Variants in CPA4 observed in about 807,000 individuals in gnomAD.
CPA4 encodes the protein carboxypeptidase A4.
A neutral mutation model predicts 54.7 loss-of-function variants in CPA4; 49 were observed. The observed-to-expected ratio is 0.90, with a 90% CI of 0.71 to 1.14. CPA4 has a LOEUF of 1.14. Among genes scored for constraint, CPA4 ranks in the 50% most tolerant of loss-of-function variants. The probability of loss-of-function intolerance (pLI) is 0.00; values close to 1 mark genes in which losing one functional copy is unlikely to be tolerated. For synonymous variants in CPA4, 215 were observed against 206.8 expected, an observed-to-expected ratio of 1.04 and a Z score of -0.34; for missense variants, 487 against 525.1, an observed-to-expected ratio of 0.93 and a Z score of 0.71.
Position 130,321,768 on chromosome 7 carries a change from C to T in CPA4, c.1079-721C>T, listed in dbSNP as rs150481290. Among the ~76,000 whole-genome samples the T allele has an allele frequency of 3.6e-4, 55 of 152,264 alleles. No individual in the cohort carries two copies. In the East Asian group the frequency reaches 8.7e-3, roughly 24 times the overall value. On this transcript the variant is annotated intron_variant, in intron 10 of 10. Coordinates refer to ENST00000222482, the MANE Select transcript of CPA4 (RefSeq NM_016352.4). ...ATCTCATGAGACTTATTCACTACCA[C>T]GAGAACAGTATGGGGGAAACCACTC... is the stretch of plus-strand genomic sequence containing the variant.
rs57842029 is a variant in CPA4 at position 130,323,895 on chromosome 7, TTG to T, written c.*1259_*1260del. ...GTATCCTGTGTTTCCTTGTCCTGGT[TTG>T]TGTGTGTGTGTGTGTGTGTGTGTGT... On this transcript the variant is annotated 3_prime_UTR_variant, in exon 11 of 11. Coordinates refer to ENST00000222482, the MANE Select transcript of CPA4 (RefSeq NM_016352.4). 9,377 of 145,074 alleles carry T rather than the reference TTG, an allele frequency of 0.065. 624 individuals are homozygous for T. Among genetic ancestry groups the T allele is most frequent in the African/African-American group, 0.18 (7,095 of 38,938 alleles). 9.0% of individuals were successfully genotyped at this position (145,074 alleles called of 1,614,324 possible).
rs111352449 is a variant in CPA4 at position 130,295,797 on chromosome 7, T to C, written c.68+2549T>C. On this transcript the variant is annotated intron_variant, in intron 1 of 10. Coordinates refer to ENST00000222482, the MANE Select transcript of CPA4 (RefSeq NM_016352.4). ...GAGTTCGAGACCAGCCTGACCAACATAGAGAAACCCCGCCTCTACTAAAAA... is the reference window on the plus strand; with the variant it reads ...GAGTTCGAGACCAGCCTGACCAACACAGAGAAACCCCGCCTCTACTAAAAA... Among the ~76,000 whole-genome samples, 223 of 152,022 alleles carry C rather than the reference T, an allele frequency of 1.5e-3. 1 individual carries two copies. Among genetic ancestry groups the C allele is most frequent in the African/African-American group, 5.2e-3 (214 of 41,470 alleles).
At chr7:130,301,060 T>C (rs1793732404) in intron 4 of CPA4, 146 bp downstream of exon 4, 1 of 618,412 alleles carries the variant, frequency 1.6e-6, no homozygotes, top group South Asian at 2.1e-5. Context: ...TCCTTTCTAA[T>C]TCTTGGATTG....
rs548559556 is a variant in CPA4, at chr7:130,310,063, G to A, written c.794-724G>A. ...ATTATAGACATGAGGCACTGTGCCC[G>A]GCCCCGATGGTTTGTTTTTAATGTG... On this transcript the variant is annotated intron_variant, in intron 8 of 10. Transcript: ENST00000222482. This position sits in a 1 kb window ranked among gnomAD's most constrained non-coding sequence, Gnocchi z 4.3. Among the ~76,000 whole-genome samples the A allele has an allele frequency of 3.3e-5, 5 of 152,262 alleles. No individual in the cohort carries two copies. The highest frequency in any genetic ancestry group is 2.1e-4 in the South Asian group (1 of 4,818).
At chr7:130,313,507 G>A (rs1793943650) in intron 10 of CPA4, among the ~76,000 whole-genome samples, 1 of 152,204 alleles carries the variant, frequency 6.6e-6, no homozygotes, top group African/African-American at 2.4e-5. Flanking sequence ...TGCAGCTGAG[G>A]AGTCTAGTTG....
chr7:130,322,710 C>T lies in CPA4; in HGVS notation c.*34C>T, dbSNP rs781290964. 2.0e-5 allele frequency: 31 copies of T among 1,588,546 alleles called. No homozygotes were observed. The highest frequency in any genetic ancestry group is 2.0e-4 in the Middle Eastern group (1 of 5,050). Reference sequence around the variant, plus strand: ...TCTGCTCTGTCTACATTTATTTGTACCCACACGTGCACGCACTGAGGCCAT... The same window carrying T: ...TCTGCTCTGTCTACATTTATTTGTATCCACACGTGCACGCACTGAGGCCAT... On this transcript the variant is annotated 3_prime_UTR_variant, in exon 11 of 11. Coordinates refer to ENST00000222482, the MANE Select transcript of CPA4 (RefSeq NM_016352.4).
intron 8 of CPA4, 56 bp downstream of exon 8, chr7:130,308,453 A>G (rs572400281): frequency 5.6e-6 from 8 of 1,425,520 alleles, no homozygotes; most frequent in Non-Finnish European, 7.9e-6. Flanking sequence ...CGCCTGGTCT[A>G]CCAGTGCTCT....
Position 130,306,852 on chromosome 7 carries a change from G to A in CPA4, c.657G>A (p.Leu219=), listed in dbSNP as rs201038166. 778 of 1,612,036 alleles carry A rather than the reference G, an allele frequency of 4.8e-4. 12 individuals are homozygous for A. In the South Asian group the frequency reaches 6.2e-3, roughly 13 times the overall value. The part of the protein sequence containing the change: ...TSILEKMDIF[L]LPVANPDGYV... ...TCTTGGAGAAAATGGATATTTTCTT[G>A]TTGCCTGTGGCCAATCCTGATGGAT... The change falls in exon 7 of 11, where the codon TTG becomes TTA. Residue 219 remains leucine (L), a synonymous_variant. Coordinates refer to ENST00000222482, the MANE Select transcript of CPA4 (RefSeq NM_016352.4).
Position 130,305,871 on chromosome 7 carries a change from A to G in CPA4, c.542A>G (p.His181Arg). 1 of 1,614,194 alleles carries G rather than the reference A, an allele frequency of 6.2e-7. No individual in the cohort carries two copies. The highest frequency in any genetic ancestry group is 8.5e-7 in the Non-Finnish European group (1 of 1,180,034). The change falls in exon 6 of 11, where the codon CAT (histidine) becomes CGT (arginine). Residue 181 changes from histidine to arginine, a missense_variant. Coordinates refer to ENST00000222482, the MANE Select transcript of CPA4 (RefSeq NM_016352.4). Reference sequence around the variant, plus strand: ...GCCGTTTGGCTGAATGCAGGCATCCATTCCCGAGAGTGGATCTCCCAGGCC... The same window carrying G: ...GCCGTTTGGCTGAATGCAGGCATCCGTTCCCGAGAGTGGATCTCCCAGGCC... Reference protein sequence around the residue: ...RPAVWLNAGIHSREWISQATA... With the variant: ...RPAVWLNAGIRSREWISQATA...
In CPA4 at chr7:130,293,161, A is replaced by T. The variant is rs375388548; in HGVS notation, c.-20A>T. On this transcript the variant is annotated 5_prime_UTR_variant, in exon 1 of 11. It removes an upstream start codon present in the reference 5' UTR. Transcript: ENST00000222482. Reference sequence around the variant, plus strand: ...AAATACAGCTTGACTCAGCCACTGTATGACTGACTCCCCGGGGACATGAGG... The same window carrying T: ...AAATACAGCTTGACTCAGCCACTGTTTGACTGACTCCCCGGGGACATGAGG... 15 of 1,519,816 alleles carry T rather than the reference A, an allele frequency of 9.9e-6. No homozygotes were observed. The African/African-American group carries it at 1.9e-4, about 19-fold the overall frequency. 94.1% of individuals were successfully genotyped at this position (1,519,816 alleles called of 1,614,324 possible).
At chr7:130,321,022 A>T (rs10280724) in intron 10 of CPA4, among the ~76,000 whole-genome samples, 91,283 of 151,790 alleles carry the variant, frequency 0.6, 27,494 homozygotes, top group Admixed American at 0.66. Context: ...GCATAGTAAG[A>T]CCCCATCTCT....
At chr7:130,317,198 G>A (rs188426153) in intron 10 of CPA4, among the ~76,000 whole-genome samples, 7 of 152,282 alleles carry the variant, frequency 4.6e-5, no homozygotes, top group Admixed American at 2.6e-4. Context: ...TGTACCTTTC[G>A]TATGTTTAGA....
At chr7:130,318,558 T>C (rs1794027341) in intron 10 of CPA4, among the ~76,000 whole-genome samples, 1 of 152,118 alleles carries the variant, frequency 6.6e-6, no homozygotes, top group African/African-American at 2.4e-5. Context: ...ATTATAGGCA[T>C]GTGCCCCACC....
intron 9 of CPA4, 73 bp from the exon 10 acceptor site, chr7:130,311,965 C>A (rs1793922348): frequency 2.7e-6 from 3 of 1,109,708 alleles, no homozygotes; most frequent in East Asian, 2.4e-5. Flanking sequence ...CAAACCATCC[C>A]AGAGCAGAGC....
chr7:130,309,292 T>C (rs1326684101), intron 8 of CPA4, among the ~76,000 whole-genome samples: 2 of 152,034 alleles, frequency 1.3e-5, no homozygotes, highest in African/African-American at 4.8e-5. Flanking sequence ...TTCTAAGACA[T>C]ACAAAACGGG....
intron 5 of CPA4, among the ~76,000 whole-genome samples, chr7:130,304,930 G>A (rs1430326227): frequency 6.6e-6 from 1 of 152,102 alleles, no homozygotes; most frequent in Non-Finnish European, 1.5e-5. Flanking sequence ...CTGCTTTCAG[G>A]GGGTACTTAC....
chr7:130,299,502 T>G, intron 3 of CPA4, 98 bp downstream of exon 3: 1 of 1,129,000 alleles, frequency 8.9e-7, no homozygotes, highest in Non-Finnish European at 1.3e-6. Context: ...TTTTATCCTT[T>G]TCTATTTTAT....
chr7:130,315,369 A>G (rs932511398), intron 10 of CPA4, among the ~76,000 whole-genome samples: 1 of 152,098 alleles, frequency 6.6e-6, no homozygotes, highest in Admixed American at 6.6e-5. Flanking sequence ...AATTTTTAGA[A>G]GGGCCAAAGG....
rs529270560 is a variant in CPA4, at chr7:130,300,848, A to G, written c.318A>G (p.Gln106=). ...ALLDNEDDEM[Q]HNEGQERSSN... is the part of the protein sequence containing the mutation. ...TAGACAATGAAGATGATGAAATGCA[A>G]CACAATGAAGGGCAAGAACGGAGCA... The change falls in exon 4 of 11, where the codon CAA becomes CAG. Residue 106 remains glutamine (Q), a synonymous_variant. Transcript: ENST00000222482. The G allele has an allele frequency of 1.2e-5, 19 of 1,613,972 alleles. No individual in the cohort carries two copies. In the Admixed American group the frequency reaches 1.5e-4, roughly 13 times the overall value.
Sources: gnomAD v4.1 joint callset for allele counts (sites outside exome capture counted in the v4.1 genomes callset) on GRCh38, gnomAD v4.1.1 for gene constraint, Gnocchi (gnomAD v3.1) non-coding constraint, MANE v1.5 for transcripts, NCBI Gene and HGNC (gene_info 2026-07-23, HGNC 2026-07-21) for gene names.